Variants in BNIP2 observed in about 807,000 individuals in gnomAD.
BNIP2 encodes BCL2 interacting protein 2.
Under a neutral mutation model 43.4 loss-of-function variants are expected in BNIP2, and 36 were observed. That is an observed-to-expected ratio of 0.83 (90% CI 0.64 to 1.10). The LOEUF (loss-of-function observed/expected upper bound fraction) is 1.10, where lower values mean the gene tolerates loss of function less well. Among genes scored for constraint, BNIP2 ranks in the 50% least tolerant of loss-of-function variants. The pLI is 0.00. For missense variants in BNIP2, 417 were observed against 374.1 expected (o/e 1.11, Z -0.95); for synonymous variants, 146 against 121.0 (o/e 1.21, Z -1.35).
At chr15:59,682,578 A>G (rs6151483) in intron 1 of BNIP2, 64 bp from the exon 2 acceptor site, 522,376 of 1,252,800 alleles carry the variant, frequency 0.42, 116,673 homozygotes, top group East Asian at 0.85. Context: ...GAAAAGGCGT[A>G]ATAATCTTAT....
At chr15:59,669,056 A>C in intron 8 of BNIP2, 66 bp from the exon 9 acceptor site, 1 of 1,357,438 alleles carries the variant, frequency 7.4e-7, no homozygotes, top group South Asian at 1.3e-5. Context: ...CAATGTTTAC[A>C]AGATACAAAA....
intron 4 of BNIP2, chr15:59,678,299 C>A: frequency 7.8e-7 from 1 of 1,279,836 alleles, no homozygotes; most frequent in Non-Finnish European, 9.9e-7. Context: ...CTTTTATTGC[C>A]CAATTTAGCA....
intron 5 of BNIP2, 146 bp from the exon 6 acceptor site, chr15:59,672,885 G>A: frequency 3.9e-6 from 2 of 519,244 alleles, no homozygotes; most frequent in Non-Finnish European, 6.7e-6. Context: ...AATCTTATAT[G>A]GTCTTATATA....
At chr15:59,671,033 A>G in intron 7 of BNIP2, 150 bp downstream of exon 7, 2 of 662,278 alleles carry the variant, frequency 3.0e-6, no homozygotes, top group Middle Eastern at 4.9e-4. Context: ...AGATTGTGCC[A>G]TTGCACTCCA....
intron 5 of BNIP2, among the ~76,000 whole-genome samples, chr15:59,673,350 G>T (rs768263480): frequency 6.6e-6 from 1 of 151,450 alleles, no homozygotes; most frequent in Non-Finnish European, 1.5e-5. Flanking sequence ...TCCTGACCTC[G>T]TGATCTGCCT....
At chr15:59,684,487 ATAG>A (rs1256522178) in intron 1 of BNIP2, among the ~76,000 whole-genome samples, 7 of 152,344 alleles carry the variant, frequency 4.6e-5, no homozygotes, top group Admixed American at 3.9e-4. Context: ...TAGAACAGAA[ATAG>A]TAGAAAGGAG....
At chr15:59,680,934 C>G (rs1893628529) in intron 2 of BNIP2, among the ~76,000 whole-genome samples, 1 of 152,138 alleles carries the variant, frequency 6.6e-6, no homozygotes, top group African/African-American at 2.4e-5. Flanking sequence ...TCAGAGCTGA[C>G]TTATACACTT....
chr15:59,674,399 G>C (rs1318805908), intron 5 of BNIP2, among the ~76,000 whole-genome samples: 3 of 152,106 alleles, frequency 2.0e-5, no homozygotes, highest in Non-Finnish European at 4.4e-5. Context: ...TATAAAAAAA[G>C]TGCTATTTCT....
Position 59,664,023 on chromosome 15 carries a change from G to C in BNIP2, c.*46C>G, listed in dbSNP as rs1444155053. 2.1e-6 allele frequency: 3 copies of C among 1,413,118 alleles called. No homozygotes were observed. The highest frequency in any genetic ancestry group is 2.9e-6 in the Non-Finnish European group (3 of 1,039,192). 87.5% of individuals were successfully genotyped at this position (1,413,118 alleles called of 1,614,324 possible). ...GCATTATGAATGCAGAAACAGCACT[G>C]CTCCATCAGCACATTCTTCAGTCTT... On this transcript the variant is annotated 3_prime_UTR_variant, in exon 10 of 10. Transcript: ENST00000607373.
chr15:59,687,707 C>A (rs969962971), intron 1 of BNIP2, among the ~76,000 whole-genome samples: 6 of 152,072 alleles, frequency 3.9e-5, no homozygotes, highest in African/African-American at 1.4e-4. Context: ...TCTCTGACAC[C>A]TTCCTCCCTA....
intron 9 of BNIP2, 81 bp from the exon 10 acceptor site, chr15:59,664,201 G>GAATATTA: frequency 1.1e-6 from 1 of 908,632 alleles, no homozygotes; most frequent in Non-Finnish European, 1.6e-6. Flanking sequence ...TTTTAGCATA[G>GAATATTA]AATATTACTC....
chr15:59,689,092 A>C (rs1894215001), intron 1 of BNIP2, 43 bp downstream of exon 1: 3 of 1,519,108 alleles, frequency 2.0e-6, no homozygotes, highest in Non-Finnish European at 2.6e-6. Flanking sequence ...TTCCCAGTCC[A>C]GCTCCGGAGC....
At chr15:59,667,746 A>T (rs1316191146) in intron 9 of BNIP2, among the ~76,000 whole-genome samples, 5 of 152,262 alleles carry the variant, frequency 3.3e-5, no homozygotes, top group Non-Finnish European at 4.4e-5. Context: ...CAAAAGCACA[A>T]GTTAGCGATT....
chr15:59,679,883 T>C (rs1893549875), intron 3 of BNIP2, 115 bp from the exon 4 acceptor site: 2 of 998,238 alleles, frequency 2.0e-6, no homozygotes, highest in African/African-American at 1.7e-5. Context: ...TAATTGAACA[T>C]AATTTCAAAG....
chr15:59,676,653 G>C (rs1893309371), intron 5 of BNIP2: 1 of 589,464 alleles, frequency 1.7e-6, no homozygotes, highest in Admixed American at 3.1e-5. Flanking sequence ...TCTAGGCAGA[G>C]TTTCTAAAAG....
At chr15:59,687,022 A>C (rs535924191) in intron 1 of BNIP2, among the ~76,000 whole-genome samples, 2 of 152,310 alleles carry the variant, frequency 1.3e-5, no homozygotes, top group Admixed American at 6.5e-5. Context: ...ATCTCAAAAA[A>C]GCTAAATAAA....
intron 2 of BNIP2, 43 bp from the exon 3 acceptor site, chr15:59,680,351 G>T (rs1893589184): frequency 2.7e-6 from 4 of 1,485,096 alleles, no homozygotes; most frequent in Non-Finnish European, 2.7e-6. Flanking sequence ...AATTAAGAAA[G>T]AATTTTTTTT....
intron 5 of BNIP2, among the ~76,000 whole-genome samples, chr15:59,676,526 A>G (rs1893301958): frequency 6.6e-6 from 1 of 151,820 alleles, no homozygotes; most frequent in Non-Finnish European, 1.5e-5. Context: ...TACTTTTTCA[A>G]CTTACTGTAT....
rs544159666 is a variant in BNIP2 at position 59,662,230 on chromosome 15, G to A, written c.*1839C>T. On this transcript the variant is annotated 3_prime_UTR_variant, in exon 10 of 10. Transcript: ENST00000607373. ...TAAAGATGTACAGATGAAAGACTACGTTAAATCGTCTACAAATATAGAATC... is the reference window on the plus strand; with the variant it reads ...TAAAGATGTACAGATGAAAGACTACATTAAATCGTCTACAAATATAGAATC... 3.3e-5 allele frequency: 5 copies of A among 152,290 alleles called. No individual in the cohort carries two copies. The highest frequency in any genetic ancestry group is 4.8e-5 in the African/African-American group (2 of 41,552). The allele number at this position is 152,290 out of a possible 1,614,324, so 9.4% of individuals were successfully genotyped here. A position where few individuals can be genotyped will look rare whatever the true frequency, so the allele number is the denominator to read the frequency against.
Sources: gnomAD v4.1 joint callset for allele counts (sites outside exome capture counted in the v4.1 genomes callset) on GRCh38, gnomAD v4.1.1 for gene constraint, MANE v1.5 for transcripts, NCBI Gene and HGNC (gene_info 2026-07-23, HGNC 2026-07-21) for gene names.